The following KCNIP4 variants were observed in gnomAD, a reference collection of about 807,000 sequenced individuals.
KCNIP4 encodes Kv channel-interacting protein 4.
In KCNIP4, 12 loss-of-function variants were observed where a neutral mutation model predicts 34.0. The observed-to-expected ratio is 0.35, with a 90% confidence interval of 0.23 to 0.57. The LOEUF (loss-of-function observed/expected upper bound fraction) is 0.57, where lower values mean the gene tolerates loss of function less well. Ranked by LOEUF, KCNIP4 falls within the 20% of genes least tolerant of loss-of-function variation. KCNIP4 has a pLI of 0.83. For missense variants in KCNIP4, 238 were observed against 311.7 expected (o/e 0.76, Z 1.78); for synonymous variants, 124 against 102.2 (o/e 1.21, Z -1.29).
chr4:21,594,370 G>A (rs921749456), intron 1 of KCNIP4, among the ~76,000 whole-genome samples: 1 of 152,138 alleles, frequency 6.6e-6, no homozygotes, highest in Non-Finnish European at 1.5e-5. Context: ...AGGGAGAATA[G>A]CATAATAGTT....
intron 1 of KCNIP4, among the ~76,000 whole-genome samples, chr4:21,759,591 GT>G (rs1717903944): frequency 6.6e-6 from 1 of 152,110 alleles, no homozygotes; most frequent in Non-Finnish European, 1.5e-5. Context: ...CCCTGAATAT[GT>G]CTTTGACCCT....
Position 21,105,572 on chromosome 4 carries a change from T to C in KCNIP4, c.62-222863A>G, listed in dbSNP as rs543499903. 3.3e-5 allele frequency among the ~76,000 whole-genome samples: 5 copies of C among 151,748 alleles called. 1 individual carries two copies. Among genetic ancestry groups the C allele is most frequent in the African/African-American group, 1.2e-4 (5 of 41,024 alleles). ...ACAACTTGACTTCCTCTTTTCCTAA[T>C]TGAATACCATTTATTTCCTTCTCCT... On this transcript the variant is annotated intron_variant, in intron 1 of 8. Coordinates refer to ENST00000382152, the MANE Select transcript of KCNIP4 (RefSeq NM_025221.6).
At chr4:21,153,751 C>T (rs147308767) in intron 1 of KCNIP4, among the ~76,000 whole-genome samples, 1 of 152,114 alleles carries the variant, frequency 6.6e-6, no homozygotes, top group South Asian at 2.1e-4. Context: ...TATTTTACCA[C>T]CTCTTGGGAG....
At chr4:21,247,231 A>G (rs1278939817) in intron 1 of KCNIP4, among the ~76,000 whole-genome samples, 2 of 152,138 alleles carry the variant, frequency 1.3e-5, no homozygotes, top group African/African-American at 4.8e-5. Context: ...ACAGTTGCTG[A>G]CAGGTCCAAT....
In KCNIP4 at chr4:21,039,265, G is replaced by A. The variant is rs146011969; in HGVS notation, c.62-156556C>T. On this transcript the variant is annotated intron_variant, in intron 1 of 8. Transcript: ENST00000382152. ...TAATCCCAGCTACTCAGGAGGCTGA[G>A]GCAGGAGAATTGCTTGAACCAGGGA... Among the ~76,000 whole-genome samples, 1,505 of 152,166 alleles carry A rather than the reference G, an allele frequency of 9.9e-3. 9 individuals carry two copies. Among genetic ancestry groups the A allele is most frequent in the Non-Finnish European group, 0.014 (973 of 68,000 alleles).
At chr4:20,963,689 TA>T (rs1734078184) in intron 1 of KCNIP4, among the ~76,000 whole-genome samples, 3 of 152,152 alleles carry the variant, frequency 2.0e-5, no homozygotes, top group South Asian at 4.2e-4. Flanking sequence ...AAGAGGAGGT[TA>T]AAAAATAAGA....
intron 1 of KCNIP4, among the ~76,000 whole-genome samples, chr4:21,455,401 A>G (rs1289872456): frequency 6.6e-6 from 1 of 152,032 alleles, no homozygotes; most frequent in African/African-American, 2.4e-5. Context: ...GAATGCACCC[A>G]GGGATCTATG....
intron 1 of KCNIP4, among the ~76,000 whole-genome samples, chr4:21,468,142 A>C (rs1281674335): frequency 1.3e-5 from 2 of 152,196 alleles, no homozygotes; most frequent in Non-Finnish European, 2.9e-5. Context: ...AGCTCAAGAA[A>C]ACCTATTCCC....
chr4:21,169,483 A>C (rs1192058295), intron 1 of KCNIP4, among the ~76,000 whole-genome samples: 1 of 152,128 alleles, frequency 6.6e-6, no homozygotes, highest in African/African-American at 2.4e-5. Flanking sequence ...ATGGTTACTT[A>C]AGCACTTAAT....
At chr4:20,811,262 A>G (rs1715716070) in intron 3 of KCNIP4, among the ~76,000 whole-genome samples, 1 of 152,210 alleles carries the variant, frequency 6.6e-6, no homozygotes. Context: ...AAATAGGGAA[A>G]TTCATGCTAT....
At chr4:21,755,926 C>T (rs1055789856) in intron 1 of KCNIP4, among the ~76,000 whole-genome samples, 13 of 152,118 alleles carry the variant, frequency 8.5e-5, no homozygotes, top group African/African-American at 3.1e-4. Flanking sequence ...TAATAAATTG[C>T]ATTTTCCCTT....
chr4:21,643,876 A>ATAGATAGG (rs1355694075), intron 1 of KCNIP4, among the ~76,000 whole-genome samples: 1 of 129,832 alleles, frequency 7.7e-6, no homozygotes, highest in East Asian at 3.2e-4. Context: ...ATGATGATAG[A>ATAGATAGG]TAGATAGATA....
chr4:20,856,838 T>C (rs1041533695), intron 2 of KCNIP4, among the ~76,000 whole-genome samples: 6 of 152,124 alleles, frequency 3.9e-5, no homozygotes, highest in African/African-American at 1.4e-4. Context: ...AGTCATAACA[T>C]AACCTTGTCT....
intron 1 of KCNIP4, among the ~76,000 whole-genome samples, chr4:20,998,204 A>T (rs971672157): frequency 3.3e-5 from 5 of 152,092 alleles, no homozygotes; most frequent in Non-Finnish European, 5.9e-5. Context: ...AGTAAGTGAG[A>T]TGTAAGGAGA....
intron 1 of KCNIP4, among the ~76,000 whole-genome samples, chr4:21,938,678 T>TG (rs1194670909): frequency 6.6e-6 from 1 of 152,172 alleles, no homozygotes; most frequent in African/African-American, 2.4e-5. Flanking sequence ...AGACAAGGAC[T>TG]GCACCTACTG....
At position 21,604,916 on chromosome 4, in the gene KCNIP4, G is replaced by A. The variant is rs149832561; in HGVS notation, c.61+343655C>T. Among the ~76,000 whole-genome samples the A allele has an allele frequency of 2.8e-3, 433 of 152,210 alleles. 3 individuals carry two copies. Among genetic ancestry groups the A allele is most frequent in the African/African-American group, 9.9e-3 (411 of 41,552 alleles). ...AGCCTCCAAGAGGTCAGATTACTTC[G>A]CTTTAGGTTTCCAAATGTATTAGGA... On this transcript the variant is annotated intron_variant, in intron 1 of 8. Coordinates refer to ENST00000382152, the MANE Select transcript of KCNIP4 (RefSeq NM_025221.6).
chr4:21,712,093 G>A (rs1713777206), intron 1 of KCNIP4, among the ~76,000 whole-genome samples: 1 of 151,586 alleles, frequency 6.6e-6, no homozygotes, highest in African/African-American at 2.4e-5. Context: ...TACTATGGGA[G>A]CTATTAAAAT....
At chr4:21,526,338 C>G (rs1735973529) in intron 1 of KCNIP4, among the ~76,000 whole-genome samples, 6 of 152,056 alleles carry the variant, frequency 3.9e-5, no homozygotes, top group Admixed American at 3.9e-4. Flanking sequence ...TGTAAGATGT[C>G]CCTTTGCTCT....
At chr4:21,604,452 A>G (rs1321826373) in intron 1 of KCNIP4, among the ~76,000 whole-genome samples, 4 of 152,182 alleles carry the variant, frequency 2.6e-5, no homozygotes, top group African/African-American at 9.7e-5. Context: ...TTTCAGTATA[A>G]AAGACTTATT....
Sources: allele counts gnomAD v4.1 joint callset (sites outside exome capture counted in the v4.1 genomes callset), GRCh38; gene constraint gnomAD v4.1.1; transcripts MANE v1.5; gene names NCBI Gene and HGNC (gene_info 2026-07-23, HGNC 2026-07-21).